Variants in OR2Z1 observed in about 807,000 individuals in gnomAD.
The protein encoded by OR2Z1 is olfactory receptor family 2 subfamily Z member 1.
For missense variants in OR2Z1, 449 were observed against 401.8 expected (o/e 1.12, Z -1.00); for synonymous variants, 188 against 160.6 (o/e 1.17, Z -1.29).
At chr19:8,726,687 C>A (rs1056225819) in intron 2 of OR2Z1, among the ~76,000 whole-genome samples, 2 of 152,170 alleles carry the variant, frequency 1.3e-5, no homozygotes, top group African/African-American at 4.8e-5. Context: ...CATTCTAGGG[C>A]ATGACACATT....
chr19:8,722,910 G>A (rs2043312909), intron 1 of OR2Z1, among the ~76,000 whole-genome samples, 196 bp from the exon 2 acceptor site: 1 of 152,176 alleles, frequency 6.6e-6, no homozygotes, highest in African/African-American at 2.4e-5. Flanking sequence ...TACTCGGGAG[G>A]CTGAGGCAAG....
chr19:8,723,984 GTGTGTGTGTGTGTGTGTGTGTGTGTGTA>G (rs1333143769), intron 2 of OR2Z1, among the ~76,000 whole-genome samples: 33 of 140,828 alleles, frequency 2.3e-4, no homozygotes, highest in Middle Eastern at 7.2e-3. Context: ...GTGTGTGTGT[GTGTGTGTGTGTGTGTGTGTGTGTGTGTA>G]TGTGTGTGTG....
chr19:8,727,519 C>G (rs1018425935), intron 2 of OR2Z1, among the ~76,000 whole-genome samples: 1 of 152,014 alleles, frequency 6.6e-6, no homozygotes, highest in African/African-American at 2.4e-5. Context: ...CAAACCTGCA[C>G]GTTGTGCACA....
chr19:8,727,638 G>A (rs1486421711), intron 2 of OR2Z1, among the ~76,000 whole-genome samples: 1 of 152,164 alleles, frequency 6.6e-6, no homozygotes, highest in Admixed American at 6.6e-5. Context: ...AGGCCAAGGC[G>A]AGCTGATCAC....
At chr19:8,730,465 G>T (rs1202585553) in intron 2 of OR2Z1, among the ~76,000 whole-genome samples, 1 of 151,966 alleles carries the variant, frequency 6.6e-6, no homozygotes, top group Non-Finnish European at 1.5e-5. Flanking sequence ...TGTTGCCCAG[G>T]CTGGAGTGCA....
intron 2 of OR2Z1, among the ~76,000 whole-genome samples, chr19:8,724,029 T>A (rs1480505800): frequency 6.7e-6 from 1 of 150,310 alleles, no homozygotes; most frequent in African/African-American, 2.5e-5. Context: ...TGTGTGTGTG[T>A]GAAGCAAATC....
At position 8,731,889 on chromosome 19, in the gene OR2Z1, C is replaced by T; in HGVS notation, c.861C>T (p.Pro287=). ...GCCTTGTCACCCCTACACTCAACCC[C>T]CTTATCTACAGTCTGAGGAATCCGG... ...FYSLVTPTLN[P]LIYSLRNPEV... The change falls in exon 3 of 3, where the codon CCC becomes CCT. Residue 287 remains proline, a synonymous_variant. Transcript: ENST00000641125. The T allele has an allele frequency of 1.2e-6, 2 of 1,614,206 alleles. No individual in the cohort carries two copies. The highest frequency in any genetic ancestry group is 1.7e-6 in the Non-Finnish European group (2 of 1,180,030).
In OR2Z1 at chr19:8,731,242, G is replaced by T. The variant is rs2043352570; in HGVS notation, c.214G>T (p.Gly72Cys). The T allele has an allele frequency of 6.2e-7, 1 of 1,614,074 alleles. No homozygotes were observed. Among genetic ancestry groups the T allele is most frequent in the Non-Finnish European group, 8.5e-7 (1 of 1,180,024 alleles). ...LLSQLSLFDI[G>C]CPMVTIPKMA... ...CAGCCAGCTCTCCCTGTTTGACATTGGCTGTCCCATGGTCACCATCCCCAA... is the reference window on the plus strand; with the variant it reads ...CAGCCAGCTCTCCCTGTTTGACATTTGCTGTCCCATGGTCACCATCCCCAA... Residue 72 changes from glycine (G) to cysteine (C), a missense_variant, in exon 3 of 3, where the codon GGC becomes TGC. Transcript: ENST00000641125.
rs782673057 is a variant in OR2Z1 at position 8,731,640 on chromosome 19, G to C, written c.612G>C (p.Val204=). Residue 204 remains valine, a synonymous_variant, in exon 3 of 3, where the codon GTG becomes GTC. Transcript: ENST00000641125. ...AYEMALSTSG[V]LILMLPLSLI... ...AGATGGCGCTGTCCACCTCAGGGGT[G>C]CTGATCCTAATGCTCCCTCTTTCCC... 4 of 1,614,026 alleles carry C rather than the reference G, an allele frequency of 2.5e-6. No individual in the cohort carries two copies. The South Asian group carries it at 4.4e-5, about 18-fold the overall frequency.
chr19:8,722,329 A>G (rs1201545297), intron 1 of OR2Z1, among the ~76,000 whole-genome samples: 2 of 152,068 alleles, frequency 1.3e-5, no homozygotes, highest in Non-Finnish European at 2.9e-5. Context: ...GCAAACTGTC[A>G]TGTGATCATT....
rs183232764 is a variant in OR2Z1 at position 8,728,754 on chromosome 19, T to C, written c.-169-2106T>C. 2.9e-4 allele frequency: 176 copies of C among 601,216 alleles called. No homozygotes were observed. In the African/African-American group the frequency reaches 3.0e-3, roughly 10 times the overall value. The allele number at this position is 601,216 out of a possible 1,614,324, so 37.2% of individuals were successfully genotyped here. Reference sequence around the variant, plus strand: ...CTCAGTTTAGATGATCCCAATTTTGTTGGCAACATCCAAAGCATCATAATC... The same window carrying C: ...CTCAGTTTAGATGATCCCAATTTTGCTGGCAACATCCAAAGCATCATAATC... On this transcript the variant is annotated intron_variant, in intron 2 of 2. Coordinates refer to ENST00000641125, the MANE Select transcript of OR2Z1 (RefSeq NM_001004699.3).
intron 2 of OR2Z1, chr19:8,728,919 A>T: frequency 1.5e-6 from 1 of 664,686 alleles, no homozygotes; most frequent in South Asian, 1.4e-5. Context: ...AATGAACGAA[A>T]GTGTGTCATT....
At chr19:8,728,928 T>C (rs1445087256) in intron 2 of OR2Z1, 4 of 667,728 alleles carry the variant, frequency 6.0e-6, no homozygotes, top group Non-Finnish European at 1.1e-5. Context: ...AAGTGTGTCA[T>C]TGTCTTCTAT....
chr19:8,723,460 T>A (rs2043314807), intron 2 of OR2Z1, among the ~76,000 whole-genome samples: 1 of 152,178 alleles, frequency 6.6e-6, no homozygotes, highest in African/African-American at 2.4e-5. Context: ...TATGCTGAAA[T>A]GAGTTGCACA....
chr19:8,726,442 T>C (rs540220541), intron 2 of OR2Z1, among the ~76,000 whole-genome samples: 1 of 152,286 alleles, frequency 6.6e-6, no homozygotes, highest in South Asian at 2.1e-4. Context: ...GGGACACAGG[T>C]CCAAACCATA....
rs535491042 is a variant in OR2Z1, at chr19:8,722,384, C to T, written c.-215+342C>T. ...GAGTCCAGATCATGCCTGGTCATAA[C>T]GGACTGATGTGAGTTTTATTGGCAA... is the stretch of plus-strand genomic sequence containing the variant. On this transcript the variant is annotated intron_variant, in intron 1 of 2. Transcript: ENST00000641125. 1.5e-4 allele frequency among the ~76,000 whole-genome samples: 23 copies of T among 152,152 alleles called. No homozygotes were observed. In the South Asian group the frequency reaches 3.5e-3, roughly 23 times the overall value.
intron 2 of OR2Z1, among the ~76,000 whole-genome samples, chr19:8,723,980 G>A (rs1036967961): frequency 7.1e-6 from 1 of 140,054 alleles, no homozygotes; most frequent in Non-Finnish European, 1.5e-5. Flanking sequence ...GTGTGTGTGT[G>A]TGTGTGTGTG....
At chr19:8,729,853 G>C (rs1555756549) in intron 2 of OR2Z1, among the ~76,000 whole-genome samples, 1 of 152,042 alleles carries the variant, frequency 6.6e-6, no homozygotes, top group East Asian at 1.9e-4. Flanking sequence ...GCCTCTCAAA[G>C]TGCTGGGATT....
chr19:8,728,260 G>A (rs1460317060), intron 2 of OR2Z1, among the ~76,000 whole-genome samples: 1 of 152,234 alleles, frequency 6.6e-6, no homozygotes, highest in Non-Finnish European at 1.5e-5. Context: ...AAGAGAGGAA[G>A]TATTCCTGAT....
Sources: allele counts gnomAD v4.1 joint callset (sites outside exome capture counted in the v4.1 genomes callset), GRCh38; gene constraint gnomAD v4.1.1; transcripts MANE v1.5; gene names NCBI Gene and HGNC (gene_info 2026-07-23, HGNC 2026-07-21).